The following RBFOX1 variants were observed in gnomAD, a reference collection of about 807,000 sequenced individuals.
RBFOX1 encodes the protein RNA binding fox-1 homolog 1.
In RBFOX1, 8 loss-of-function variants were observed where a neutral mutation model predicts 57.7. The ratio of observed to expected loss-of-function variants is 0.14; its 90% CI spans 0.08 to 0.25. RBFOX1 has a LOEUF of 0.25. RBFOX1 is among the 10% of genes least tolerant of loss of function. RBFOX1 has a pLI of 1.00. For missense variants in RBFOX1, 611 were observed against 548.5 expected (o/e 1.11, Z -1.14); for synonymous variants, 326 against 222.4 (o/e 1.47, Z -4.15).
chr16:6,829,634 C>T (rs900316421), intron 3 of RBFOX1, among the ~76,000 whole-genome samples: 8 of 152,070 alleles, frequency 5.3e-5, no homozygotes, highest in African/African-American at 1.9e-4. Flanking sequence ...CGGAGTCTCG[C>T]TCTGTCACCC....
chr16:6,840,541 G>A (rs529049169), intron 3 of RBFOX1, among the ~76,000 whole-genome samples: 4 of 152,168 alleles, frequency 2.6e-5, no homozygotes, highest in Non-Finnish European at 4.4e-5. Context: ...GGGATCTTTG[G>A]GAGGTGATGG....
intron 3 of RBFOX1, among the ~76,000 whole-genome samples, chr16:6,836,624 G>A (rs61500959): frequency 0.2 from 30,866 of 152,014 alleles, 4,053 homozygotes; most frequent in East Asian, 0.6. Context: ...CTTCTGTGAA[G>A]GTCTTACGGA....
chr16:5,994,689 T>C (rs113564746), intron 4 of RBFOX1, among the ~76,000 whole-genome samples: 9 of 152,340 alleles, frequency 5.9e-5, no homozygotes, highest in African/African-American at 1.9e-4. Flanking sequence ...TGTGTGGCTG[T>C]GTTCCAATAA....
rs191407290 is a variant in RBFOX1, at chr16:6,916,490, T to G, written c.-15-135567T>G. 1.2e-4 allele frequency among the ~76,000 whole-genome samples: 18 copies of G among 152,066 alleles called. No individual in the cohort carries two copies. The East Asian group carries it at 1.7e-3, about 15-fold the overall frequency. On this transcript the variant is annotated intron_variant, in intron 3 of 15. Transcript: ENST00000550418. ...CGAAATAAATAGCATTTTAGTTGTT[T>G]TTTTTTTTTTAATTGTCATTCTACG...
chr16:6,347,957 C>T (rs2085659665), intron 2 of RBFOX1, among the ~76,000 whole-genome samples: 1 of 152,202 alleles, frequency 6.6e-6, no homozygotes, highest in African/African-American at 2.4e-5. Flanking sequence ...GCCTAGCTTA[C>T]TCCTGAATAC....
At chr16:6,532,934 A>C (rs1279924552) in intron 2 of RBFOX1, among the ~76,000 whole-genome samples, 1 of 152,072 alleles carries the variant, frequency 6.6e-6, no homozygotes, top group Non-Finnish European at 1.5e-5. Context: ...CTCACTTTCT[A>C]CCTGTACAAA....
chr16:6,468,709 C>G (rs542919116), intron 2 of RBFOX1, among the ~76,000 whole-genome samples: 4 of 152,032 alleles, frequency 2.6e-5, no homozygotes, highest in Admixed American at 1.3e-4. Flanking sequence ...TTAAATGTGT[C>G]GTGATTTTTG....
chr16:7,493,757 T>A (rs1423675961), intron 4 of RBFOX1, among the ~76,000 whole-genome samples: 1 of 152,340 alleles, frequency 6.6e-6, no homozygotes, highest in African/African-American at 2.4e-5. Flanking sequence ...ACCTTGACTT[T>A]ACGTCAGTTG....
intron 14 of RBFOX1, among the ~76,000 whole-genome samples, chr16:7,702,496 T>C (rs1235217043): frequency 6.6e-6 from 1 of 152,204 alleles, no homozygotes; most frequent in African/African-American, 2.4e-5. Flanking sequence ...ATGGGATGGT[T>C]GAGTTGGAAA....
intron 2 of RBFOX1, among the ~76,000 whole-genome samples, chr16:6,419,759 G>T (rs531037615): frequency 6.6e-6 from 1 of 152,024 alleles, no homozygotes; most frequent in Non-Finnish European, 1.5e-5. Flanking sequence ...CACACACACC[G>T]CAATTTTTGC....
chr16:7,429,787 C>G (rs890819529), intron 4 of RBFOX1, among the ~76,000 whole-genome samples: 1 of 152,192 alleles, frequency 6.6e-6, no homozygotes, highest in Non-Finnish European at 1.5e-5. Flanking sequence ...TCCATAGACC[C>G]TATTATTTCC....
intron 13 of RBFOX1, among the ~76,000 whole-genome samples, chr16:7,676,157 A>G (rs2073207045): frequency 6.6e-6 from 1 of 152,264 alleles, no homozygotes; most frequent in Non-Finnish European, 1.5e-5. Context: ...GCAGCATGAT[A>G]CATAACCATG....
intron 4 of RBFOX1, among the ~76,000 whole-genome samples, chr16:7,200,598 C>T (rs189185482): frequency 4.3e-4 from 65 of 152,304 alleles, no homozygotes; most frequent in Middle Eastern, 6.8e-3. Context: ...AAACTGCCAG[C>T]TGTCTACCCA....
chr16:6,561,937 A>G (rs944514399), intron 2 of RBFOX1, among the ~76,000 whole-genome samples: 19 of 152,188 alleles, frequency 1.2e-4, no homozygotes, highest in African/African-American at 4.1e-4. Context: ...AGGTAAGTCA[A>G]GCTAAAGCTA....
intron 4 of RBFOX1, among the ~76,000 whole-genome samples, chr16:5,877,075 G>T (rs2057631067): frequency 6.6e-6 from 1 of 152,210 alleles, no homozygotes; most frequent in African/African-American, 2.4e-5. Flanking sequence ...GGAGATCCAT[G>T]TAGGGCACTG....
chr16:6,003,003 G>C (rs917299407), intron 4 of RBFOX1, among the ~76,000 whole-genome samples: 1 of 152,154 alleles, frequency 6.6e-6, no homozygotes, highest in Non-Finnish European at 1.5e-5. Context: ...GGGAAGACTG[G>C]GCGTGGTGGC....
At chr16:6,860,377 T>C (rs2058775418) in intron 3 of RBFOX1, among the ~76,000 whole-genome samples, 2 of 152,172 alleles carry the variant, frequency 1.3e-5, no homozygotes, top group South Asian at 4.1e-4. Context: ...AAGCATTTGT[T>C]ATTTCAAACT....
chr16:5,435,991 C>G (rs1217130886), intron 1 of RBFOX1, among the ~76,000 whole-genome samples: 2 of 152,188 alleles, frequency 1.3e-5, no homozygotes, highest in Admixed American at 6.5e-5. Flanking sequence ...GCACATAGCT[C>G]TAGCTTGCCC....
chr16:6,580,869 ATTT>A, intron 2 of RBFOX1, among the ~76,000 whole-genome samples: 1 of 149,242 alleles, frequency 6.7e-6, no homozygotes, highest in East Asian at 2.0e-4. Context: ...ATGGAACTCA[ATTT>A]TTCCAGAAAG....
Sources: allele counts gnomAD v4.1 joint callset (sites outside exome capture counted in the v4.1 genomes callset), GRCh38; gene constraint gnomAD v4.1.1; transcripts MANE v1.5; gene names NCBI Gene and HGNC (gene_info 2026-07-23, HGNC 2026-07-21).